Variants in C1orf198 observed in about 807,000 individuals in gnomAD.
The protein encoded by C1orf198 is chromosome 1 open reading frame 198.
In C1orf198, 17 loss-of-function variants were observed where a neutral mutation model predicts 31.4. The ratio of observed to expected loss-of-function variants is 0.54; its 90% CI spans 0.37 to 0.81. C1orf198 has a LOEUF of 0.81. Ranked by LOEUF, C1orf198 falls within the 40% of genes least tolerant of loss-of-function variation. The pLI is 0.00. For missense variants in C1orf198, 401 were observed against 450.3 expected, an observed-to-expected ratio of 0.89 and a Z score of 0.99; for synonymous variants, 175 against 193.8, an observed-to-expected ratio of 0.90 and a Z score of 0.81.
At chr1:230,859,480 G>GT (rs747023745) in intron 1 of C1orf198, among the ~76,000 whole-genome samples, 24 of 152,130 alleles carry the variant, frequency 1.6e-4, no homozygotes, top group Admixed American at 2.6e-4. Context: ...GTCAAATTCC[G>GT]TAAGAGGCAT....
intron 2 of C1orf198, among the ~76,000 whole-genome samples, chr1:230,852,360 C>G (rs35918848): frequency 6.6e-6 from 1 of 152,002 alleles, no homozygotes; most frequent in African/African-American, 2.4e-5. Flanking sequence ...TGAATGATTT[C>G]AGAGACAGAA....
chr1:230,862,422 C>T (rs1040884759), intron 1 of C1orf198, among the ~76,000 whole-genome samples: 2 of 152,184 alleles, frequency 1.3e-5, no homozygotes, highest in Non-Finnish European at 2.9e-5. Flanking sequence ...AAAACCTACA[C>T]ACAGATGTTT....
At chr1:230,858,662 T>C (rs1669934132) in intron 1 of C1orf198, among the ~76,000 whole-genome samples, 1 of 152,316 alleles carries the variant, frequency 6.6e-6, no homozygotes, top group Non-Finnish European at 1.5e-5. Flanking sequence ...CATGAACACC[T>C]GCGGGGCAGG....
At chr1:230,851,419 A>G (rs532705807) in intron 2 of C1orf198, among the ~76,000 whole-genome samples, 3 of 152,266 alleles carry the variant, frequency 2.0e-5, no homozygotes, top group South Asian at 2.1e-4. Context: ...ACCTGCCCCA[A>G]AGGCATTTTC....
chr1:230,844,158 C>T lies in C1orf198; in HGVS notation c.385-262G>A, dbSNP rs377449754. Among the ~76,000 whole-genome samples the T allele has an allele frequency of 3.3e-5, 5 of 152,166 alleles. No individual in the cohort carries two copies. In the South Asian group the frequency reaches 8.3e-4, roughly 25 times the overall value. On this transcript the variant is annotated intron_variant, in intron 2 of 3. Coordinates refer to ENST00000366663, the MANE Select transcript of C1orf198 (RefSeq NM_032800.3). ...GGTGGTCCCCTCCCAAATCTCATGT[C>T]GAACTGTAATCCCCAGTGCTGGAGG...
chr1:230,837,564 A>G lies in C1orf198; in HGVS notation c.*2288T>C, dbSNP rs946172265. The G allele has an allele frequency of 6.6e-6, 1 of 152,228 alleles. No individual in the cohort carries two copies. Among genetic ancestry groups the G allele is most frequent in the Non-Finnish European group, 1.5e-5 (1 of 68,046 alleles). 9.4% of individuals were successfully genotyped at this position (152,228 alleles called of 1,614,324 possible). On this transcript the variant is annotated 3_prime_UTR_variant, in exon 4 of 4. Coordinates refer to ENST00000366663, the MANE Select transcript of C1orf198 (RefSeq NM_032800.3). Reference sequence around the variant, plus strand: ...CTCCCTCATGATGAATGGGAGGAAAATCATGGCAAATGGAGAGCTAAGAAA... The same window carrying G: ...CTCCCTCATGATGAATGGGAGGAAAGTCATGGCAAATGGAGAGCTAAGAAA...
At chr1:230,862,876 C>T (rs1670031973) in intron 1 of C1orf198, among the ~76,000 whole-genome samples, 1 of 152,152 alleles carries the variant, frequency 6.6e-6, no homozygotes, top group East Asian at 1.9e-4. Context: ...AACGACGTGT[C>T]CATGTACGTT....
At chr1:230,860,873 G>A (rs574023512) in intron 1 of C1orf198, among the ~76,000 whole-genome samples, 8 of 152,204 alleles carry the variant, frequency 5.3e-5, no homozygotes, top group Admixed American at 2.6e-4. Flanking sequence ...TGGTTAAAAC[G>A]GTAAATTTTA....
At chr1:230,859,876 C>A (rs1005276915) in intron 1 of C1orf198, among the ~76,000 whole-genome samples, 1 of 152,104 alleles carries the variant, frequency 6.6e-6, no homozygotes, top group African/African-American at 2.4e-5. Flanking sequence ...TGCTGGAATA[C>A]ATGTTTGCAT....
intron 2 of C1orf198, among the ~76,000 whole-genome samples, chr1:230,854,387 C>T (rs1669819405): frequency 6.6e-6 from 1 of 152,194 alleles, no homozygotes. Context: ...TTTTTACCCA[C>T]TTATGACTTC....
chr1:230,859,584 C>G (rs1244090217), intron 1 of C1orf198, among the ~76,000 whole-genome samples: 1 of 152,042 alleles, frequency 6.6e-6, no homozygotes, highest in Non-Finnish European at 1.5e-5. Context: ...AATCCCAGAG[C>G]AGAAAGCCAA....
At position 230,839,570 on chromosome 1, in the gene C1orf198, C is replaced by G; in HGVS notation, c.*282G>C. The G allele has an allele frequency of 3.0e-6, 1 of 329,812 alleles. No homozygotes were observed. The highest frequency in any genetic ancestry group is 5.4e-6 in the Non-Finnish European group (1 of 184,026). The allele number at this position is 329,812 out of a possible 1,614,324, so 20.4% of individuals were successfully genotyped here. On this transcript the variant is annotated 3_prime_UTR_variant, in exon 4 of 4. Coordinates refer to ENST00000366663, the MANE Select transcript of C1orf198 (RefSeq NM_032800.3). ...TGAGGAGGGGGAAAGTTGGGTGGAGCTGGGAACAGAAGTTTTATTTACAAG... is the reference window on the plus strand; with the variant it reads ...TGAGGAGGGGGAAAGTTGGGTGGAGGTGGGAACAGAAGTTTTATTTACAAG...
intron 2 of C1orf198, among the ~76,000 whole-genome samples, chr1:230,854,560 A>C (rs564104036): frequency 5.6e-4 from 85 of 152,244 alleles, no homozygotes; most frequent in African/African-American, 2.0e-3. Flanking sequence ...TGCCTTCCCC[A>C]AAACCACCTC....
intron 1 of C1orf198, among the ~76,000 whole-genome samples, chr1:230,858,718 T>C (rs1360681052): frequency 1.3e-5 from 2 of 152,244 alleles, no homozygotes; most frequent in Non-Finnish European, 2.9e-5. Context: ...ATGATGGAGC[T>C]GGACTCCCCT....
chr1:230,866,358 T>C (rs1379947282), intron 1 of C1orf198, among the ~76,000 whole-genome samples: 2 of 152,240 alleles, frequency 1.3e-5, no homozygotes, highest in Non-Finnish European at 2.9e-5. Context: ...TTTCAGAACA[T>C]GCTCTCAGCT....
chr1:230,858,474 G>A (rs1669929601), intron 1 of C1orf198, among the ~76,000 whole-genome samples: 1 of 152,162 alleles, frequency 6.6e-6, no homozygotes, highest in African/African-American at 2.4e-5. Flanking sequence ...CACCCCCTAA[G>A]ACTTCACCGG....
Position 230,843,934 on chromosome 1 carries a change from A to T in C1orf198, c.385-38T>A, listed in dbSNP as rs6672541. 23,284 of 1,492,026 alleles carry T rather than the reference A, an allele frequency of 0.016. 2,733 individuals are homozygous for T. The African/African-American group carries it at 0.27, about 17-fold the overall frequency. 92.4% of individuals were successfully genotyped at this position (1,492,026 alleles called of 1,614,324 possible). A position where few individuals can be genotyped will look rare whatever the true frequency, so the allele number is the denominator to read the frequency against. On this transcript the variant is annotated intron_variant, in intron 2 of 3. Transcript: ENST00000366663. The surrounding 1 kb of genome is among the most constrained non-coding windows in gnomAD (Gnocchi z 4.9). ...ATGAGAAAGGACAGAAAAAAGAAAG[A>T]GATCCTGAGAATCGACCGTCACAAG...
rs1669390940 is a variant in C1orf198, at chr1:230,839,526, ATGGT to A, written c.*322_*325del. 3.9e-6 allele frequency: 1 copy of A among 255,772 alleles called. No individual in the cohort carries two copies. Among genetic ancestry groups the A allele is most frequent in the African/African-American group, 2.3e-5 (1 of 42,932 alleles). 15.8% of individuals were successfully genotyped at this position (255,772 alleles called of 1,614,324 possible). A position where few individuals can be genotyped will look rare whatever the true frequency, so the allele number is the denominator to read the frequency against. Reference sequence around the variant, plus strand: ...AAATCACTTATATGATTTTTGTGACATGGTTGAAACACATCCTTTGAGGAGGGGG... The same window carrying A: ...AAATCACTTATATGATTTTTGTGACATGAAACACATCCTTTGAGGAGGGGG... On this transcript the variant is annotated 3_prime_UTR_variant, in exon 4 of 4. Coordinates refer to ENST00000366663, the MANE Select transcript of C1orf198 (RefSeq NM_032800.3).
chr1:230,857,673 C>T lies in C1orf198; in HGVS notation c.334-1955G>A, dbSNP rs1669906697. On this transcript the variant is annotated intron_variant, in intron 1 of 3. Coordinates refer to ENST00000366663, the MANE Select transcript of C1orf198 (RefSeq NM_032800.3). The surrounding 1 kb of genome is among the most constrained non-coding windows in gnomAD (Gnocchi z 4.2). ...GAGGAGACTGTCAAAAGGCCAGAAT[C>T]CAGGTCTTTATTTTCCCAGGACAGC... Among the ~76,000 whole-genome samples the T allele has an allele frequency of 6.6e-6, 1 of 152,130 alleles. No individual in the cohort carries two copies. Among genetic ancestry groups the T allele is most frequent in the African/African-American group, 2.4e-5 (1 of 41,410 alleles).
Sources: allele counts gnomAD v4.1 joint callset (sites outside exome capture counted in the v4.1 genomes callset), GRCh38; gene constraint gnomAD v4.1.1; non-coding constraint Gnocchi (gnomAD v3.1); transcripts MANE v1.5; gene names NCBI Gene and HGNC (gene_info 2026-07-23, HGNC 2026-07-21).